ALG10B: variants seen among roughly 807,000 people sequenced by gnomAD.
ALG10B encodes the protein dol-P-Glc:Glc(2)Man(9)GlcNAc(2)-PP-Dol alpha-1,2-glucosyltransferase B.
A neutral mutation model predicts 38.7 loss-of-function variants in ALG10B; 27 were observed. That is an observed-to-expected ratio of 0.70 (90% CI 0.51 to 0.96). The LOEUF is 0.96. Among genes scored for constraint, ALG10B ranks in the 40% least tolerant of loss-of-function variants. The pLI is 0.00. For synonymous variants in ALG10B, 177 were observed against 193.3 expected, an observed-to-expected ratio of 0.92 and a Z score of 0.70; for missense variants, 522 against 542.7, an observed-to-expected ratio of 0.96 and a Z score of 0.38.
rs1945769527 is a variant in ALG10B at position 38,328,906 on chromosome 12, TAAC to T, written c.*7697_*7699del. The T allele has an allele frequency of 3.4e-6, 1 of 292,540 alleles. No homozygotes were observed. The highest frequency in any genetic ancestry group is 2.2e-5 in the African/African-American group (1 of 46,332). The allele number at this position is 292,540 out of a possible 1,614,324, so 18.1% of individuals were successfully genotyped here. A position where few individuals can be genotyped will look rare whatever the true frequency, so the allele number is the denominator to read the frequency against. On this transcript the variant is annotated 3_prime_UTR_variant, in exon 3 of 3. Transcript: ENST00000308742. The stretch of plus-strand genomic sequence containing the variant: ...AAGTGATTTACCCATGTTAGTCTCA[TAAC>T]AACTCTATGAGATCAGTACCGTACA...
At chr12:38,319,451 G>A (rs1945682899) in intron 2 of ALG10B, among the ~76,000 whole-genome samples, 2 of 152,138 alleles carry the variant, frequency 1.3e-5, no homozygotes, top group African/African-American at 2.4e-5. Flanking sequence ...TTGAACTTTA[G>A]CATGTAATGG....
At position 38,328,492 on chromosome 12, in the gene ALG10B, T is replaced by G. The variant is rs544864058; in HGVS notation, c.*7279T>G. The G allele has an allele frequency of 2.0e-5, 3 of 152,068 alleles. No individual in the cohort carries two copies. The highest frequency in any genetic ancestry group is 3.9e-4 in the East Asian group (2 of 5,180). 9.4% of individuals were successfully genotyped at this position (152,068 alleles called of 1,614,324 possible). A position where few individuals can be genotyped will look rare whatever the true frequency, so the allele number is the denominator to read the frequency against. On this transcript the variant is annotated 3_prime_UTR_variant, in exon 3 of 3. Transcript: ENST00000308742. The stretch of plus-strand genomic sequence containing the variant: ...AAGGCTGAGCACTATCTGTAAAAAT[T>G]TTTAAGGTGTCCACTAGGTGGAGAT...
Position 38,326,243 on chromosome 12 carries a change from G to C in ALG10B, c.*5030G>C, listed in dbSNP as rs1207240579. ...TTTTTTAGCTCATCAGCTATCATTA[G>C]TGTTCGTGTATTTTATGTGTGGCCC... On this transcript the variant is annotated 3_prime_UTR_variant, in exon 3 of 3. Transcript: ENST00000308742. 2 of 149,762 alleles carry C rather than the reference G, an allele frequency of 1.3e-5. No homozygotes were observed. Among genetic ancestry groups the C allele is most frequent in the African/African-American group, 4.9e-5 (2 of 40,796 alleles). 9.3% of individuals were successfully genotyped at this position (149,762 alleles called of 1,614,324 possible). A position where few individuals can be genotyped will look rare whatever the true frequency, so the allele number is the denominator to read the frequency against.
rs1945754640 is a variant in ALG10B, at chr12:38,327,448, A to G, written c.*6235A>G. 6.6e-6 allele frequency: 1 copy of G among 152,144 alleles called. No individual in the cohort carries two copies. The allele number at this position is 152,144 out of a possible 1,614,324, so 9.4% of individuals were successfully genotyped here. On this transcript the variant is annotated 3_prime_UTR_variant, in exon 3 of 3. Coordinates refer to ENST00000308742, the MANE Select transcript of ALG10B (RefSeq NM_001013620.4). Reference sequence around the variant, plus strand: ...GCATTATACTAGCTGATTTACAAATATTGTCTCATTTGATGCTACATTTAT... The same window carrying G: ...GCATTATACTAGCTGATTTACAAATGTTGTCTCATTTGATGCTACATTTAT...
rs556236151 is a variant in ALG10B, at chr12:38,329,613, G to C, written c.*8400G>C. 1 of 167,334 alleles carries C rather than the reference G, an allele frequency of 6.0e-6. No individual in the cohort carries two copies. The highest frequency in any genetic ancestry group is 1.7e-4 in the East Asian group (1 of 6,058). The allele number at this position is 167,334 out of a possible 1,614,324, so 10.4% of individuals were successfully genotyped here. On this transcript the variant is annotated 3_prime_UTR_variant, in exon 3 of 3. Coordinates refer to ENST00000308742, the MANE Select transcript of ALG10B (RefSeq NM_001013620.4). ...TATTTGGCTTCTAAAAGTCATTTGTGAGTTGATGTTATTTAAAACTGCTTT... is the reference window on the plus strand; with the variant it reads ...TATTTGGCTTCTAAAAGTCATTTGTCAGTTGATGTTATTTAAAACTGCTTT...
rs1945702389 is a variant in ALG10B at position 38,321,213 on chromosome 12, A to T, written c.1422A>T (p.Ter474TyrextTer3). ...AGGACATTCAAAGGTTTATGTGGTAATATCAGTGATATTTTGAACTGTAAA... is the reference window on the plus strand; with the variant it reads ...AGGACATTCAAAGGTTTATGTGGTATTATCAGTGATATTTTGAACTGTAAA... ...NSQDIQRFMW[*>Y] is the part of the protein sequence containing the mutation. Residue 474 changes from the stop codon to tyrosine, a stop_lost, in exon 3 of 3, where the codon TAA becomes TAT. Coordinates refer to ENST00000308742, the MANE Select transcript of ALG10B (RefSeq NM_001013620.4). 1 of 1,609,926 alleles carries T rather than the reference A, an allele frequency of 6.2e-7. No individual in the cohort carries two copies. The highest frequency in any genetic ancestry group is 8.5e-7 in the Non-Finnish European group (1 of 1,177,704).
At chr12:38,317,703 GAGAAAGAT>G (rs1362798718) in intron 1 of ALG10B, 1 of 176,910 alleles carries the variant, frequency 5.7e-6, no homozygotes, top group Non-Finnish European at 1.2e-5. Flanking sequence ...GTCTGTTTTA[GAGAAAGAT>G]CTGATCTTAA....
chr12:38,327,496 T>C lies in ALG10B; in HGVS notation c.*6283T>C, dbSNP rs1167566391. The C allele has an allele frequency of 2.6e-5, 4 of 152,200 alleles. No homozygotes were observed. The highest frequency in any genetic ancestry group is 9.6e-5 in the African/African-American group (4 of 41,454). The allele number at this position is 152,200 out of a possible 1,614,324, so 9.4% of individuals were successfully genotyped here. On this transcript the variant is annotated 3_prime_UTR_variant, in exon 3 of 3. Coordinates refer to ENST00000308742, the MANE Select transcript of ALG10B (RefSeq NM_001013620.4). ...TATATTTCTATGAGGCAGATGTTGA[T>C]TTCTCTTTGACTGCTGAAGAAACTG...
In ALG10B at chr12:38,327,175, G is replaced by A. The variant is rs1399780477; in HGVS notation, c.*5962G>A. 6.7e-6 allele frequency: 1 copy of A among 150,038 alleles called. No individual in the cohort carries two copies. The highest frequency in any genetic ancestry group is 1.5e-5 in the Non-Finnish European group (1 of 67,744). 9.3% of individuals were successfully genotyped at this position (150,038 alleles called of 1,614,324 possible). On this transcript the variant is annotated 3_prime_UTR_variant, in exon 3 of 3. Transcript: ENST00000308742. Reference sequence around the variant, plus strand: ...GGGTGTCACTATGTTGTGTGGGCTGGTCTCAAAACACCTGCCTCAAGTGAT... The same window carrying A: ...GGGTGTCACTATGTTGTGTGGGCTGATCTCAAAACACCTGCCTCAAGTGAT...
In ALG10B at chr12:38,327,604, A is replaced by C. The variant is rs1362210711; in HGVS notation, c.*6391A>C. ...GATTGGTATGACTCCCAAGCCTGTGAGTTTTTGACCGTCATATTCTGCCTC... is the reference window on the plus strand; with the variant it reads ...GATTGGTATGACTCCCAAGCCTGTGCGTTTTTGACCGTCATATTCTGCCTC... On this transcript the variant is annotated 3_prime_UTR_variant, in exon 3 of 3. Coordinates refer to ENST00000308742, the MANE Select transcript of ALG10B (RefSeq NM_001013620.4). 6.6e-6 allele frequency: 1 copy of C among 151,436 alleles called. No individual in the cohort carries two copies. The highest frequency in any genetic ancestry group is 2.4e-5 in the African/African-American group (1 of 41,188). The allele number at this position is 151,436 out of a possible 1,614,324, so 9.4% of individuals were successfully genotyped here.
At position 38,321,163 on chromosome 12, in the gene ALG10B, A is replaced by C. The variant is rs763092524; in HGVS notation, c.1372A>C (p.Lys458Gln). Residue 458 changes from lysine (K) to glutamine (Q), a missense_variant, in exon 3 of 3, where the codon AAG becomes CAG. Lys to Gln is a moderately conservative substitution (Grantham distance 53, BLOSUM62 1). Transcript: ENST00000308742. ...NFITFYIFLNKTFQWPNSQDI... is the reference protein window; with the variant it reads ...NFITFYIFLNQTFQWPNSQDI... ...CATAACTTTTTACATCTTTCTGAAC[A>C]AGACTTTTCAGTGGCCAAATAGTCA... 10 of 1,612,620 alleles carry C rather than the reference A, an allele frequency of 6.2e-6. No individual in the cohort carries two copies. The highest frequency in any genetic ancestry group is 8.5e-6 in the Non-Finnish European group (10 of 1,179,410).
chr12:38,319,730 G>A (rs989455954), intron 2 of ALG10B, among the ~76,000 whole-genome samples: 1 of 152,150 alleles, frequency 6.6e-6, no homozygotes, highest in African/African-American at 2.4e-5. Context: ...GTAGTGTTAT[G>A]AAGGATTTCC....
At position 38,329,166 on chromosome 12, in the gene ALG10B, G is replaced by T. The variant is rs1945772407; in HGVS notation, c.*7953G>T. 1 of 398,266 alleles carries T rather than the reference G, an allele frequency of 2.5e-6. No homozygotes were observed. Among genetic ancestry groups the T allele is most frequent in the Non-Finnish European group, 4.4e-6 (1 of 225,924 alleles). The allele number at this position is 398,266 out of a possible 1,614,324, so 24.7% of individuals were successfully genotyped here. Reference sequence around the variant, plus strand: ...TAGTTTTATAGGTCAGAAAAATGAGGTCCACACTAATTTTGCCTCTTCCAC... The same window carrying T: ...TAGTTTTATAGGTCAGAAAAATGAGTTCCACACTAATTTTGCCTCTTCCAC... On this transcript the variant is annotated 3_prime_UTR_variant, in exon 3 of 3. Transcript: ENST00000308742.
At position 38,328,896 on chromosome 12, in the gene ALG10B, G is replaced by A. The variant is rs1945769447; in HGVS notation, c.*7683G>A. The A allele has an allele frequency of 7.3e-6, 2 of 275,668 alleles. No homozygotes were observed. The highest frequency in any genetic ancestry group is 1.0e-3 in the Middle Eastern group (1 of 972). 17.1% of individuals were successfully genotyped at this position (275,668 alleles called of 1,614,324 possible). A position where few individuals can be genotyped will look rare whatever the true frequency, so the allele number is the denominator to read the frequency against. ...CACTGTTATAAAGTGATTTACCCAT[G>A]TTAGTCTCATAACAACTCTATGAGA... On this transcript the variant is annotated 3_prime_UTR_variant, in exon 3 of 3. Coordinates refer to ENST00000308742, the MANE Select transcript of ALG10B (RefSeq NM_001013620.4).
Position 38,316,912 on chromosome 12 carries a change from T to A in ALG10B, c.19T>A (p.Tyr7Asn). 6.2e-7 allele frequency: 1 copy of A among 1,614,170 alleles called. No homozygotes were observed. The highest frequency in any genetic ancestry group is 1.3e-5 in the African/African-American group (1 of 75,054). Residue 7 changes from tyrosine to asparagine, a missense_variant, in exon 1 of 3, where the codon TAC becomes AAC. Physicochemically the swap from Tyr to Asn is moderately radical, Grantham distance 143 (BLOSUM62 -2). Transcript: ENST00000308742. ...AGCAGGAATGGCGCAGCTAGAGGGT[T>A]ACTGTTTCTCGGCCGCCTTGAGCTG... is the stretch of plus-strand genomic sequence containing the variant. Reference protein sequence around the residue: MAQLEGYCFSAALSCTF... With the variant: MAQLEGNCFSAALSCTF...
rs558190795 is a variant in ALG10B, at chr12:38,328,198, T to A, written c.*6985T>A. The A allele has an allele frequency of 1.3e-5, 2 of 152,326 alleles. No homozygotes were observed. The highest frequency in any genetic ancestry group is 2.1e-4 in the South Asian group (1 of 4,828). 9.4% of individuals were successfully genotyped at this position (152,326 alleles called of 1,614,324 possible). A position where few individuals can be genotyped will look rare whatever the true frequency, so the allele number is the denominator to read the frequency against. ...TCTAAATTTTGTTACAGCTAATTTTTAAAAATTAATTGCTAAGTCATGGTC... is the reference window on the plus strand; with the variant it reads ...TCTAAATTTTGTTACAGCTAATTTTAAAAAATTAATTGCTAAGTCATGGTC... On this transcript the variant is annotated 3_prime_UTR_variant, in exon 3 of 3. Transcript: ENST00000308742.
At position 38,322,512 on chromosome 12, in the gene ALG10B, T is replaced by C. The variant is rs558724656; in HGVS notation, c.*1299T>C. The C allele has an allele frequency of 4.0e-5, 6 of 151,520 alleles. No individual in the cohort carries two copies. The highest frequency in any genetic ancestry group is 8.8e-5 in the Non-Finnish European group (6 of 68,038). The allele number at this position is 151,520 out of a possible 1,614,324, so 9.4% of individuals were successfully genotyped here. On this transcript the variant is annotated 3_prime_UTR_variant, in exon 3 of 3. Transcript: ENST00000308742. ...ATCAAATTATAGTTGTATATACTTA[T>C]GAGGTACGAAGTGGCATTATGATTT...
chr12:38,326,548 T>A lies in ALG10B; in HGVS notation c.*5335T>A, dbSNP rs1411332725. ...TTTTATTTAAAATAAGAAAATATTC[T>A]TATTTCTATTTAAAATAAGAAAAAT... On this transcript the variant is annotated 3_prime_UTR_variant, in exon 3 of 3. Transcript: ENST00000308742. 3 of 28,346 alleles carry A rather than the reference T, an allele frequency of 1.1e-4. No individual in the cohort carries two copies. Among genetic ancestry groups the A allele is most frequent in the African/African-American group, 6.9e-4 (3 of 4,340 alleles). The allele number at this position is 28,346 out of a possible 1,614,324, so 1.8% of individuals were successfully genotyped here. A position where few individuals can be genotyped will look rare whatever the true frequency, so the allele number is the denominator to read the frequency against.
intron 1 of ALG10B, 122 bp from the exon 2 acceptor site, chr12:38,318,139 G>C: frequency 1.5e-6 from 2 of 1,294,946 alleles, no homozygotes; most frequent in South Asian, 2.4e-5. Flanking sequence ...ACTTAATCTT[G>C]TCATAGACTA....
Sources: gnomAD v4.1 joint callset for allele counts (sites outside exome capture counted in the v4.1 genomes callset) on GRCh38, gnomAD v4.1.1 for gene constraint, MANE v1.5 for transcripts, NCBI Gene and HGNC (gene_info 2026-07-23, HGNC 2026-07-21) for gene names.